PIKFYVE: variants seen among roughly 807,000 people sequenced by gnomAD.
PIKFYVE encodes phosphoinositide kinase, FYVE-type zinc finger containing.
In PIKFYVE, 122 loss-of-function variants were observed where a neutral mutation model predicts 257.9. The observed-to-expected ratio is 0.47, with a 90% CI of 0.41 to 0.55. PIKFYVE has a LOEUF of 0.55. Ranked by LOEUF, PIKFYVE falls within the 20% of genes least tolerant of loss-of-function variation. PIKFYVE has a pLI of 0.00. For missense variants in PIKFYVE, 2,160 were observed against 2,536.6 expected (o/e 0.85, Z 3.19); for synonymous variants, 892 against 868.9 (o/e 1.03, Z -0.47).
At position 208,326,397 on chromosome 2, in the gene PIKFYVE, C is replaced by CT. The variant is rs1290593916; in HGVS notation, c.3588dup (p.Ile1197TyrfsTer4). ...AAATGAGGGTGATGAAGAGAGAGGG[C>CT]TTATTCTGAGTGATGCTGTGTGGTC... On this transcript the variant is annotated frameshift_variant, in exon 20 of 42. Transcript: ENST00000264380. LOFTEE classifies it high-confidence loss of function. 3 of 1,613,912 alleles carry CT rather than the reference C, an allele frequency of 1.9e-6. No individual in the cohort carries two copies. The highest frequency in any genetic ancestry group is 2.5e-6 in the Non-Finnish European group (3 of 1,179,978).
Position 208,354,564 on chromosome 2 carries a change from C to T in PIKFYVE, c.6107-7C>T, listed in dbSNP as rs190907552. 3.1e-6 allele frequency: 5 copies of T among 1,607,130 alleles called. No individual in the cohort carries two copies. Among genetic ancestry groups the T allele is most frequent in the East Asian group, 4.5e-5 (2 of 44,746 alleles). ...TTATTGCTAATTTCACTCCTTCTAC[C>T]CCCCAGATTATATTCGAACATTTAC... is the stretch of plus-strand genomic sequence containing the variant. On this transcript the variant is annotated splice_polypyrimidine_tract_variant and splice_region_variant and intron_variant, in intron 40 of 41. Transcript: ENST00000264380.
chr2:208,329,922 A>G lies in PIKFYVE; in HGVS notation c.3791+9A>G, dbSNP rs367952302. ...GAGAGATACTGTTTCAGGTAAGAAC[A>G]TATTTCTTCCTTCTGTTCCATTACA... On this transcript the variant is annotated intron_variant, in intron 22 of 41. Coordinates refer to ENST00000264380, the MANE Select transcript of PIKFYVE (RefSeq NM_015040.4). 37 of 1,609,860 alleles carry G rather than the reference A, an allele frequency of 2.3e-5. No individual in the cohort carries two copies. Among genetic ancestry groups the G allele is most frequent in the African/African-American group, 9.3e-5 (7 of 74,868 alleles).
rs1486717444 is a variant in PIKFYVE at position 208,325,286 on chromosome 2, G to A, written c.2475G>A (p.Leu825=). ...FQLPNEQTKT[L]MFFEGCPQHL... Reference sequence around the variant, plus strand: ...TGTTTGTAGAACAAACCAAGACACTGATGTTTTTTGAAGGTTGTCCACAGC... The same window carrying A: ...TGTTTGTAGAACAAACCAAGACACTAATGTTTTTTGAAGGTTGTCCACAGC... The change falls in exon 20 of 42, where the codon CTG becomes CTA. Residue 825 remains leucine (L), a synonymous_variant. Transcript: ENST00000264380. The A allele has an allele frequency of 6.2e-7, 1 of 1,613,956 alleles. No homozygotes were observed. The highest frequency in any genetic ancestry group is 8.5e-7 in the Non-Finnish European group (1 of 1,179,944).
intron 3 of PIKFYVE, among the ~76,000 whole-genome samples, chr2:208,276,150 A>G (rs1690076047): frequency 6.6e-6 from 1 of 152,178 alleles, no homozygotes; most frequent in Non-Finnish European, 1.5e-5. Flanking sequence ...TACCATGGCA[A>G]AATTTGCCAT....
intron 1 of PIKFYVE, among the ~76,000 whole-genome samples, chr2:208,267,206 C>T (rs1381786496): frequency 6.6e-6 from 1 of 150,874 alleles, no homozygotes; most frequent in Non-Finnish European, 1.5e-5. Context: ...GAGGTAGTCG[C>T]TTGGTATAAT....
At chr2:208,270,534 A>G (rs908474534) in intron 1 of PIKFYVE, among the ~76,000 whole-genome samples, 4 of 152,124 alleles carry the variant, frequency 2.6e-5, no homozygotes, top group African/African-American at 9.7e-5. Flanking sequence ...CTTAATGTCT[A>G]TGAATTGAGG....
intron 34 of PIKFYVE, among the ~76,000 whole-genome samples, 186 bp from the exon 35 acceptor site, chr2:208,347,673 G>A (rs538891434): frequency 5.3e-5 from 8 of 152,048 alleles, no homozygotes; most frequent in Admixed American, 3.3e-4. Context: ...GCTTGATTAC[G>A]CAAAAACAAC....
chr2:208,320,228 T>G (rs759503556), intron 16 of PIKFYVE, 24 bp from the exon 17 acceptor site: 5 of 1,607,882 alleles, frequency 3.1e-6, no homozygotes, highest in Non-Finnish European at 4.3e-6. Flanking sequence ...TTAAACACTT[T>G]AACAAACTGT....
chr2:208,332,013 T>A (rs536252103), intron 23 of PIKFYVE, among the ~76,000 whole-genome samples: 174 of 152,326 alleles, frequency 1.1e-3, no homozygotes, highest in African/African-American at 4.0e-3. Flanking sequence ...CAAAAACTTC[T>A]GCTTTTTTAT....
At chr2:208,267,281 T>C (rs891117619) in intron 1 of PIKFYVE, among the ~76,000 whole-genome samples, 4 of 152,112 alleles carry the variant, frequency 2.6e-5, no homozygotes, top group Admixed American at 2.6e-4. Flanking sequence ...CTGTCAGTTT[T>C]CTTACAAAAA....
At position 208,277,683 on chromosome 2, in the gene PIKFYVE, C is replaced by T; in HGVS notation, c.588C>T (p.Ile196=). The T allele has an allele frequency of 1.9e-6, 3 of 1,613,722 alleles. No homozygotes were observed. The highest frequency in any genetic ancestry group is 2.5e-6 in the Non-Finnish European group (3 of 1,179,690). Residue 196 remains isoleucine (I), a synonymous_variant, in exon 5 of 42, where the codon ATC becomes ATT. Transcript: ENST00000264380. The part of the protein sequence containing the change: ...IFCSRCCNQE[I]PGKFMGYTGD... Reference sequence around the variant, plus strand: ...GCAGTCGTTGCTGTAATCAAGAAATCCCTGGAAAATTTATGGGCTATACAG... The same window carrying T: ...GCAGTCGTTGCTGTAATCAAGAAATTCCTGGAAAATTTATGGGCTATACAG...
chr2:208,266,982 A>G (rs1688721482), intron 1 of PIKFYVE, among the ~76,000 whole-genome samples: 1 of 152,244 alleles, frequency 6.6e-6, no homozygotes, highest in Non-Finnish European at 1.5e-5. Context: ...TGTTCCCAAC[A>G]AAAGGATGAG....
chr2:208,310,947 A>G (rs1694871100), intron 12 of PIKFYVE, among the ~76,000 whole-genome samples: 1 of 152,212 alleles, frequency 6.6e-6, no homozygotes, highest in African/African-American at 2.4e-5. Context: ...TTTTGTGGCT[A>G]TAGAGAAGAA....
At chr2:208,300,764 G>C (rs192550813) in intron 8 of PIKFYVE, among the ~76,000 whole-genome samples, 173 bp from the exon 9 acceptor site, 1 of 152,236 alleles carries the variant, frequency 6.6e-6, no homozygotes, top group Non-Finnish European at 1.5e-5. Context: ...TAGATGAGCA[G>C]AGTTCAAGCT....
rs1045078963 is a variant in PIKFYVE, at chr2:208,336,066, G to A, written c.4386G>A (p.Lys1462=). ...TGTAGATGGAAGAAGGTGAGTTCAA[G>A]AACTGGATTGAGAAGATGCAAGCAA... The part of the protein sequence containing the change: ...AQKEMEEGEF[K]NWIEKMQARL... Residue 1462 remains lysine (K), a synonymous_variant, in exon 27 of 42, where the codon AAG becomes AAA. Transcript: ENST00000264380. The A allele has an allele frequency of 5.0e-6, 8 of 1,613,948 alleles. No individual in the cohort carries two copies. The highest frequency in any genetic ancestry group is 6.8e-6 in the Non-Finnish European group (8 of 1,179,992).
intron 16 of PIKFYVE, among the ~76,000 whole-genome samples, chr2:208,319,038 A>C (rs6731510): frequency 0.011 from 1,734 of 151,672 alleles, 28 homozygotes; most frequent in African/African-American, 0.04. Context: ...ATTTATCTAT[A>C]GTAGTGTTCT....
chr2:208,295,921 T>C (rs1377104044), intron 7 of PIKFYVE, among the ~76,000 whole-genome samples: 1 of 152,202 alleles, frequency 6.6e-6, no homozygotes, highest in Non-Finnish European at 1.5e-5. Flanking sequence ...TCTAAGTCTA[T>C]CATTGCTTTT....
At chr2:208,275,706 C>T (rs1033845481) in intron 3 of PIKFYVE, among the ~76,000 whole-genome samples, 6 of 151,916 alleles carry the variant, frequency 3.9e-5, no homozygotes. Context: ...TTTTTCCCTC[C>T]CAGCCAAAAC....
At chr2:208,305,562 T>A (rs1214735365) in intron 12 of PIKFYVE, 1 of 743,886 alleles carries the variant, frequency 1.3e-6, no homozygotes, top group African/African-American at 1.9e-5. Flanking sequence ...AATTCATTAT[T>A]TTTAGCTATC....
Sources: allele counts gnomAD v4.1 joint callset (sites outside exome capture counted in the v4.1 genomes callset), GRCh38; gene constraint gnomAD v4.1.1; transcripts MANE v1.5; gene names NCBI Gene and HGNC (gene_info 2026-07-23, HGNC 2026-07-21).